MTHFD1L: variants seen among roughly 807,000 people sequenced by gnomAD.
MTHFD1L encodes the protein monofunctional C1-tetrahydrofolate synthase, mitochondrial.
In MTHFD1L, 81 loss-of-function variants were observed where a neutral mutation model predicts 119.5. The ratio of observed to expected loss-of-function variants is 0.68; its 90% confidence interval spans 0.57 to 0.82. The LOEUF (loss-of-function observed/expected upper bound fraction) is 0.82. MTHFD1L is among the 40% of genes least tolerant of loss of function. The pLI is 0.00. For synonymous variants in MTHFD1L, 430 were observed against 475.2 expected (o/e 0.90, Z 1.24); for missense variants, 1,125 against 1,253.4 (o/e 0.90, Z 1.55).
In MTHFD1L at chr6:150,865,780, C is replaced by T; in HGVS notation, c.-43C>T. The T allele has an allele frequency of 3.2e-6, 4 of 1,254,062 alleles. No homozygotes were observed. The South Asian group carries it at 7.9e-5, about 25-fold the overall frequency. 77.7% of individuals were successfully genotyped at this position (1,254,062 alleles called of 1,614,324 possible). A position where few individuals can be genotyped will look rare whatever the true frequency, so the allele number is the denominator to read the frequency against. On this transcript the variant is annotated 5_prime_UTR_variant, in exon 1 of 28. Coordinates refer to ENST00000367321, the MANE Select transcript of MTHFD1L (RefSeq NM_015440.5). ...CTGGCACGCGCCCCGCCGCCCTCGG[C>T]AGCCGCAGCTCCGTGTCCCCTGAGA...
chr6:150,929,296 G>C (rs150479800), intron 11 of MTHFD1L, among the ~76,000 whole-genome samples: 2 of 152,310 alleles, frequency 1.3e-5, no homozygotes, highest in East Asian at 3.9e-4. Flanking sequence ...TTTCTTCCAG[G>C]CTTCAGATGA....
At chr6:150,962,917 T>TC (rs1481334377) in intron 18 of MTHFD1L, among the ~76,000 whole-genome samples, 12 of 43,360 alleles carry the variant, frequency 2.8e-4, no homozygotes, top group African/African-American at 5.7e-4. Flanking sequence ...TTCTTTTCTT[T>TC]TTTTTTTTTT....
At chr6:151,046,027 T>C (rs1787954957) in intron 26 of MTHFD1L, among the ~76,000 whole-genome samples, 1 of 152,216 alleles carries the variant, frequency 6.6e-6, no homozygotes, top group Non-Finnish European at 1.5e-5. Flanking sequence ...TTGTGACTCA[T>C]GAGAATGATG....
Position 151,020,194 on chromosome 6 carries a change from A to G in MTHFD1L, c.2586+4501A>G, listed in dbSNP as rs538245475. Among the ~76,000 whole-genome samples the G allele has an allele frequency of 7.9e-5, 12 of 152,304 alleles. No homozygotes were observed. In the South Asian group the frequency reaches 1.9e-3, roughly 24 times the overall value. On this transcript the variant is annotated intron_variant, in intron 24 of 27. Transcript: ENST00000367321. The stretch of plus-strand genomic sequence containing the variant: ...TTCTTTCTCCACCCCAGTCTTGTGG[A>G]AGGAAAACACCGGAGATGATTTAGG...
intron 26 of MTHFD1L, among the ~76,000 whole-genome samples, chr6:151,067,002 T>G (rs1034950593): frequency 2.4e-4 from 36 of 151,784 alleles, no homozygotes; most frequent in Admixed American, 1.3e-3. Context: ...TTGATTTTTT[T>G]TTTTTTTTTG....
intron 11 of MTHFD1L, 51 bp from the exon 12 acceptor site, chr6:150,936,753 A>C (rs748224065): frequency 3.8e-6 from 6 of 1,592,034 alleles, no homozygotes; most frequent in Non-Finnish European, 5.2e-6. Flanking sequence ...CTGGTTTTGC[A>C]TAGGTTGTCT....
At chr6:150,905,327 C>T (rs1325436922) in intron 7 of MTHFD1L, among the ~76,000 whole-genome samples, 5 of 152,048 alleles carry the variant, frequency 3.3e-5, no homozygotes, top group South Asian at 2.1e-4. Flanking sequence ...CCACTATGCC[C>T]GGCTGCCCCA....
intron 26 of MTHFD1L, among the ~76,000 whole-genome samples, chr6:151,089,636 C>T (rs894128401): frequency 5.9e-5 from 9 of 152,190 alleles, no homozygotes; most frequent in African/African-American, 1.4e-4. Context: ...CATAAGATGC[C>T]GGCAAATGCC....
chr6:151,071,073 A>G (rs6923486), intron 26 of MTHFD1L, among the ~76,000 whole-genome samples: 109,510 of 152,108 alleles, frequency 0.72, 41,954 homozygotes, highest in East Asian at 0.91. Flanking sequence ...AAATACAGCC[A>G]CAAATGAAAT....
At chr6:151,006,858 C>T (rs944018416) in intron 20 of MTHFD1L, among the ~76,000 whole-genome samples, 1 of 152,056 alleles carries the variant, frequency 6.6e-6, no homozygotes, top group African/African-American at 2.4e-5. Flanking sequence ...ATCACTTGAT[C>T]AGCCCCCGTT....
chr6:150,867,420 G>C (rs2128711040), intron 1 of MTHFD1L, among the ~76,000 whole-genome samples: 1 of 152,322 alleles, frequency 6.6e-6, no homozygotes, highest in South Asian at 2.1e-4. Context: ...TGGAACTCCT[G>C]GGCGCAAGCC....
rs1384738864 is a variant in MTHFD1L at position 150,880,268 on chromosome 6, CCT to C, written c.417+2446_417+2447del. On this transcript the variant is annotated intron_variant, in intron 4 of 27. Transcript: ENST00000367321. Reference sequence around the variant, plus strand: ...CTCTCCCCATTTCCCCTCCCCCATCCCTCTCCAGCCTCTGGTAACCACCATTC... The same window carrying C: ...CTCTCCCCATTTCCCCTCCCCCATCCCTCCAGCCTCTGGTAACCACCATTC... Among the ~76,000 whole-genome samples, 15 of 152,260 alleles carry C rather than the reference CCT, an allele frequency of 9.9e-5. No individual in the cohort carries two copies. In the East Asian group the frequency reaches 2.7e-3, roughly 27 times the overall value.
chr6:150,943,172 T>C (rs1000279549), intron 13 of MTHFD1L, among the ~76,000 whole-genome samples: 1 of 152,048 alleles, frequency 6.6e-6, no homozygotes, highest in Non-Finnish European at 1.5e-5. Context: ...TCCCAGCTAC[T>C]TGGGAGGCAG....
chr6:150,968,984 G>A (rs1797641980), intron 19 of MTHFD1L, among the ~76,000 whole-genome samples: 1 of 151,424 alleles, frequency 6.6e-6, no homozygotes. Flanking sequence ...GAGCATCTGG[G>A]ATTACAGGCG....
intron 19 of MTHFD1L, among the ~76,000 whole-genome samples, chr6:150,965,490 C>G (rs1225034480): frequency 6.6e-6 from 1 of 152,012 alleles, no homozygotes; most frequent in African/African-American, 2.4e-5. Flanking sequence ...GAAACCCCAT[C>G]TCTACTAAAA....
chr6:150,943,944 T>A (rs1274510187), intron 13 of MTHFD1L, among the ~76,000 whole-genome samples: 1 of 152,194 alleles, frequency 6.6e-6, no homozygotes, highest in Non-Finnish European at 1.5e-5. Flanking sequence ...GTTTTCTAGA[T>A]AATAAAACAA....
intron 26 of MTHFD1L, among the ~76,000 whole-genome samples, chr6:151,077,559 T>A (rs952734231): frequency 1.3e-5 from 2 of 152,164 alleles, no homozygotes; most frequent in Non-Finnish European, 2.9e-5. Flanking sequence ...CACGCATCTG[T>A]AATCCTAGCT....
At chr6:151,073,402 G>A (rs1029842638) in intron 26 of MTHFD1L, among the ~76,000 whole-genome samples, 4 of 152,194 alleles carry the variant, frequency 2.6e-5, no homozygotes, top group African/African-American at 9.7e-5. Flanking sequence ...GAATGCAGGG[G>A]CACTGGTTAG....
chr6:150,981,006 A>G (rs1444957269), intron 20 of MTHFD1L, among the ~76,000 whole-genome samples: 1 of 152,150 alleles, frequency 6.6e-6, no homozygotes, highest in Non-Finnish European at 1.5e-5. Flanking sequence ...ATGTCCATTT[A>G]TTAAATAGGT....
Sources: gnomAD v4.1 joint callset for allele counts (sites outside exome capture counted in the v4.1 genomes callset) on GRCh38, gnomAD v4.1.1 for gene constraint, MANE v1.5 for transcripts, NCBI Gene and HGNC (gene_info 2026-07-23, HGNC 2026-07-21) for gene names.